The following PPM1A variants were observed in gnomAD, a reference collection of about 807,000 sequenced individuals.
The protein encoded by PPM1A is protein phosphatase, Mg2+/Mn2+ dependent 1A.
In PPM1A, 7 loss-of-function variants were observed where a neutral mutation model predicts 35.0. The ratio of observed to expected loss-of-function variants is 0.20; its 90% CI spans 0.11 to 0.38. PPM1A has a LOEUF of 0.38. Ranked by LOEUF, PPM1A falls within the 10% of genes least tolerant of loss-of-function variation. The probability of loss-of-function intolerance (pLI) is 1.00; values close to 1 mark genes in which losing one functional copy is unlikely to be tolerated. For synonymous variants in PPM1A, 153 were observed against 167.3 expected, an observed-to-expected ratio of 0.91 and a Z score of 0.66; for missense variants, 239 against 467.8, an observed-to-expected ratio of 0.51 and a Z score of 4.51.
rs997171865 is a variant in PPM1A at position 60,296,112 on chromosome 14, T to C, written c.*3630T>C. ...GGTTTGAGTTTAAGGCATTTAAAAA[T>C]GTAAATATCTCTAGCTAAATTTATC... On this transcript the variant is annotated 3_prime_UTR_variant, in exon 6 of 6. Coordinates refer to ENST00000395076, the MANE Select transcript of PPM1A (RefSeq NM_021003.5). The surrounding 1 kb of genome is among the most constrained non-coding windows in gnomAD (Gnocchi z 4.4). The C allele has an allele frequency of 1.3e-5, 2 of 151,646 alleles. No individual in the cohort carries two copies. The highest frequency in any genetic ancestry group is 2.4e-5 in the African/African-American group (1 of 41,404). 9.4% of individuals were successfully genotyped at this position (151,646 alleles called of 1,614,324 possible).
intron 1 of PPM1A, among the ~76,000 whole-genome samples, chr14:60,275,909 A>G (rs757730502): frequency 3.4e-5 from 5 of 145,990 alleles, no homozygotes; most frequent in Non-Finnish European, 7.4e-5. Flanking sequence ...TCTCATTACC[A>G]TAGATAACTT....
rs980668043 is a variant in PPM1A, at chr14:60,292,845, G to A, written c.*363G>A. On this transcript the variant is annotated 3_prime_UTR_variant, in exon 6 of 6. Transcript: ENST00000395076. This position sits in a 1 kb window ranked among gnomAD's most constrained non-coding sequence, Gnocchi z 4.2. Reference sequence around the variant, plus strand: ...CTATCAAAGTTACAAGAAATGTTTGGCTTATTGTGTGATGCAACAGATATA... The same window carrying A: ...CTATCAAAGTTACAAGAAATGTTTGACTTATTGTGTGATGCAACAGATATA... 61 of 177,588 alleles carry A rather than the reference G, an allele frequency of 3.4e-4. No homozygotes were observed. The highest frequency in any genetic ancestry group is 4.7e-3 in the Middle Eastern group (2 of 422). 11.0% of individuals were successfully genotyped at this position (177,588 alleles called of 1,614,324 possible). A position where few individuals can be genotyped will look rare whatever the true frequency, so the allele number is the denominator to read the frequency against.
chr14:60,268,108 C>G (rs28408881), intron 1 of PPM1A, among the ~76,000 whole-genome samples: 11,450 of 152,000 alleles, frequency 0.075, 724 homozygotes, highest in African/African-American at 0.18. Flanking sequence ...ACAATCTTCC[C>G]CTCCCCATTC....
chr14:60,290,922 T>A (rs1056718483), intron 4 of PPM1A, among the ~76,000 whole-genome samples: 35 of 152,174 alleles, frequency 2.3e-4, no homozygotes, highest in Admixed American at 1.9e-3. Flanking sequence ...AGACTTGTCA[T>A]GGAAATGTCT....
intron 3 of PPM1A, chr14:60,286,609 C>T (rs1566603945): frequency 4.1e-6 from 4 of 985,208 alleles, no homozygotes; most frequent in Non-Finnish European, 3.6e-6. Flanking sequence ...GACCTCTAAT[C>T]GCATGCAAGC....
chr14:60,296,510 A>G lies in PPM1A; in HGVS notation c.*4028A>G. ...AAGAGTTTTATATACTTTTGCTCAC[A>G]GAAACTGCTGGTGAGATTACCATTT... On this transcript the variant is annotated 3_prime_UTR_variant, in exon 6 of 6. Coordinates refer to ENST00000395076, the MANE Select transcript of PPM1A (RefSeq NM_021003.5). The surrounding 1 kb of genome is among the most constrained non-coding windows in gnomAD (Gnocchi z 4.4). 1 of 298,642 alleles carries G rather than the reference A, an allele frequency of 3.3e-6. No homozygotes were observed. Among genetic ancestry groups the G allele is most frequent in the Non-Finnish European group, 6.2e-6 (1 of 161,900 alleles). The allele number at this position is 298,642 out of a possible 1,614,324, so 18.5% of individuals were successfully genotyped here.
intron 1 of PPM1A, among the ~76,000 whole-genome samples, chr14:60,275,069 C>CT (rs11424314): frequency 0.38 from 52,370 of 138,380 alleles, 10,618 homozygotes; most frequent in African/African-American, 0.56. Flanking sequence ...TCTCTTCTTC[C>CT]TTTTTTTTTT....
intron 2 of PPM1A, among the ~76,000 whole-genome samples, chr14:60,284,923 G>T (rs1886824821): frequency 1.3e-5 from 2 of 151,554 alleles, no homozygotes; most frequent in African/African-American, 2.4e-5. Flanking sequence ...CTTATTCTTT[G>T]ATGTTTTTTT....
At position 60,271,292 on chromosome 14, in the gene PPM1A, G is replaced by A. The variant is rs150921433; in HGVS notation, c.-20-11392G>A. On this transcript the variant is annotated intron_variant, in intron 1 of 5. Transcript: ENST00000395076. Reference sequence around the variant, plus strand: ...CACTTAGAGGTCTCTGGATAATCCAGGATCCTCTCTCCATCTCAAGATTCT... The same window carrying A: ...CACTTAGAGGTCTCTGGATAATCCAAGATCCTCTCTCCATCTCAAGATTCT... Among the ~76,000 whole-genome samples, 107 of 152,274 alleles carry A rather than the reference G, an allele frequency of 7.0e-4. 1 individual carries two copies. Among genetic ancestry groups the A allele is most frequent in the African/African-American group, 2.5e-3 (103 of 41,544 alleles).
At chr14:60,274,706 T>C (rs974471401) in intron 1 of PPM1A, among the ~76,000 whole-genome samples, 4 of 151,328 alleles carry the variant, frequency 2.6e-5, no homozygotes, top group African/African-American at 9.8e-5. Context: ...TTTTCTGTAG[T>C]ATCCAATCTG....
chr14:60,287,581 A>G (rs1433435676), intron 3 of PPM1A: 1 of 985,166 alleles, frequency 1.0e-6, no homozygotes, highest in African/African-American at 1.7e-5. Flanking sequence ...CTTTCTTTAA[A>G]TACATGCCTT....
rs1156979200 is a variant in PPM1A at position 60,249,593 on chromosome 14, C to T, written c.-105C>T. The stretch of plus-strand genomic sequence containing the variant: ...CGGTGACCCCTCCCCCGGCTGCCGC[C>T]GTCGCCGCCGCGGTGACCCCCTCCC... On this transcript the variant is annotated 5_prime_UTR_variant, in exon 1 of 6. Coordinates refer to ENST00000395076, the MANE Select transcript of PPM1A (RefSeq NM_021003.5). The surrounding 1 kb of genome is among the most constrained non-coding windows in gnomAD (Gnocchi z 4.5). The T allele has an allele frequency of 3.0e-5, 30 of 987,288 alleles. No homozygotes were observed. The highest frequency in any genetic ancestry group is 4.5e-5 in the South Asian group (1 of 22,144). 61.2% of individuals were successfully genotyped at this position (987,288 alleles called of 1,614,324 possible).
In PPM1A at chr14:60,289,212, C is replaced by G. The variant is rs1035042596; in HGVS notation, c.953-594C>G. On this transcript the variant is annotated intron_variant, in intron 3 of 5. Transcript: ENST00000395076. The surrounding 1 kb of genome is among the most constrained non-coding windows in gnomAD (Gnocchi z 4.1). ...AAGGAAATGGTATTATATATCTATACAGTATATTGTTTAAAGGTACTTTAG... is the reference window on the plus strand; with the variant it reads ...AAGGAAATGGTATTATATATCTATAGAGTATATTGTTTAAAGGTACTTTAG... Among the ~76,000 whole-genome samples, 1 of 151,976 alleles carries G rather than the reference C, an allele frequency of 6.6e-6. No homozygotes were observed. The highest frequency in any genetic ancestry group is 1.5e-5 in the Non-Finnish European group (1 of 67,946).
chr14:60,264,753 CACTTTG>C (rs1238601427), intron 1 of PPM1A, among the ~76,000 whole-genome samples: 2 of 152,124 alleles, frequency 1.3e-5, no homozygotes, highest in Non-Finnish European at 1.5e-5. Flanking sequence ...TACTAATTCA[CACTTTG>C]ACTTTGTCCA....
chr14:60,258,934 T>A (rs1883442006), intron 1 of PPM1A, among the ~76,000 whole-genome samples: 1 of 152,108 alleles, frequency 6.6e-6, no homozygotes, highest in Non-Finnish European at 1.5e-5. Flanking sequence ...TTCTATGAGC[T>A]TATGACTAAG....
intron 3 of PPM1A, chr14:60,286,834 T>C: frequency 1.0e-6 from 1 of 984,044 alleles, no homozygotes; most frequent in Non-Finnish European, 1.2e-6. Flanking sequence ...GTGTTTGTAC[T>C]ATTTAGTATT....
intron 1 of PPM1A, among the ~76,000 whole-genome samples, chr14:60,281,937 C>T (rs1227990396): frequency 1.3e-5 from 2 of 152,096 alleles, no homozygotes; most frequent in Non-Finnish European, 2.9e-5. Flanking sequence ...ATACAGTACA[C>T]TTCGTTATGT....
intron 1 of PPM1A, among the ~76,000 whole-genome samples, chr14:60,269,908 T>C (rs28670404): frequency 0.075 from 11,473 of 152,300 alleles, 726 homozygotes; most frequent in African/African-American, 0.18. Flanking sequence ...CAAATTATGC[T>C]TCGGTATTGG....
chr14:60,277,074 G>T (rs1287087393), intron 1 of PPM1A: 3 of 1,192,298 alleles, frequency 2.5e-6, no homozygotes, highest in Middle Eastern at 2.3e-4. Context: ...TTGTACTCAA[G>T]AACAGATTTA....
Sources: allele counts gnomAD v4.1 joint callset (sites outside exome capture counted in the v4.1 genomes callset), GRCh38; gene constraint gnomAD v4.1.1; non-coding constraint Gnocchi (gnomAD v3.1); transcripts MANE v1.5; gene names NCBI Gene and HGNC (gene_info 2026-07-23, HGNC 2026-07-21).